HORMAD2: variants seen among roughly 807,000 people sequenced by gnomAD.
HORMAD2 encodes the protein HORMA domain-containing protein 2.
Under a neutral mutation model 38.8 loss-of-function variants are expected in HORMAD2, and 45 were observed. That is an observed-to-expected ratio of 1.16 (90% confidence interval 0.91 to 1.49). The LOEUF (loss-of-function observed/expected upper bound fraction) is 1.49, where lower values mean the gene tolerates loss of function less well. Ranked by LOEUF, HORMAD2 falls within the 40% of genes most tolerant of loss-of-function variation. HORMAD2 has a pLI of 0.00. For missense variants in HORMAD2, 338 were observed against 367.0 expected, an observed-to-expected ratio of 0.92 and a Z score of 0.65; for synonymous variants, 126 against 122.8, an observed-to-expected ratio of 1.03 and a Z score of -0.17.
chr22:30,145,672 A>C (rs1183748450), intron 10 of HORMAD2, among the ~76,000 whole-genome samples: 1 of 152,168 alleles, frequency 6.6e-6, no homozygotes, highest in Non-Finnish European at 1.5e-5. Context: ...AACAAAATGA[A>C]AAGAATAGGG....
chr22:30,206,944 C>T, the HORMAD2 span: 5 of 405,924 alleles, frequency 1.2e-5, no homozygotes, highest in African/African-American at 2.1e-5. Flanking sequence ...GCCCATATCC[C>T]GGCAATTCCC....
Position 30,177,059 on chromosome 22 carries a change from A to G in HORMAD2, c.*892A>G, listed in dbSNP as rs961613995. On this transcript the variant is annotated 3_prime_UTR_variant, in exon 11 of 11. Transcript: ENST00000336726. Reference sequence around the variant, plus strand: ...TTAAGTGTGTGACTTATGGTTAAATAAAATGAAAATACAAGACTTTTTTTT... The same window carrying G: ...TTAAGTGTGTGACTTATGGTTAAATGAAATGAAAATACAAGACTTTTTTTT... 6.5e-6 allele frequency: 1 copy of G among 152,754 alleles called. No individual in the cohort carries two copies. The highest frequency in any genetic ancestry group is 1.5e-5 in the Non-Finnish European group (1 of 68,044). 9.5% of individuals were successfully genotyped at this position (152,754 alleles called of 1,614,324 possible).
chr22:30,084,161 G>A (rs933293969), intron 1 of HORMAD2, among the ~76,000 whole-genome samples: 1 of 152,162 alleles, frequency 6.6e-6, no homozygotes, highest in East Asian at 1.9e-4. Context: ...CAATACCTGA[G>A]GCTGGGTAAC....
upstream of HORMAD2, among the ~76,000 whole-genome samples, chr22:30,078,753 G>A (rs915785037): frequency 6.6e-6 from 1 of 151,888 alleles, no homozygotes; most frequent in Non-Finnish European, 1.5e-5. Context: ...TATGGTAGCA[G>A]TTGACTGAGC....
chr22:30,167,659 T>TA (rs1276295723), intron 10 of HORMAD2, among the ~76,000 whole-genome samples: 1 of 152,182 alleles, frequency 6.6e-6, no homozygotes, highest in Non-Finnish European at 1.5e-5. Context: ...AAAAATTGGT[T>TA]ACAAAGGAAA....
chr22:30,200,628 A>C, the HORMAD2 span, among the ~76,000 whole-genome samples: 1 of 152,168 alleles, frequency 6.6e-6, no homozygotes, highest in South Asian at 2.1e-4. Context: ...TGCAAAGAAT[A>C]ATATTTTATA....
chr22:30,198,024 TA>T, the HORMAD2 span, among the ~76,000 whole-genome samples: 1 of 150,576 alleles, frequency 6.6e-6, no homozygotes, highest in Non-Finnish European at 1.5e-5. Flanking sequence ...AAAAATATAT[TA>T]AAAAAAAAAT....
intron 10 of HORMAD2, among the ~76,000 whole-genome samples, chr22:30,142,328 T>C (rs1445751766): frequency 1.3e-5 from 2 of 152,168 alleles, no homozygotes; most frequent in African/African-American, 4.8e-5. Context: ...GAATATTCCA[T>C]GTGCACTTGA....
At chr22:30,078,842 G>A (rs373326538), upstream of HORMAD2, among the ~76,000 whole-genome samples, 42 of 152,142 alleles carry the variant, frequency 2.8e-4, no homozygotes, top group African/African-American at 9.4e-4. Flanking sequence ...TGGTAAATGC[G>A]GAGGCTGAGA....
the HORMAD2 span, among the ~76,000 whole-genome samples, chr22:30,184,041 T>C: frequency 1.3e-5 from 2 of 152,360 alleles, no homozygotes; most frequent in South Asian, 4.1e-4. Context: ...TCTCCCTATC[T>C]GTGGGTCCCA....
intron 10 of HORMAD2, among the ~76,000 whole-genome samples, chr22:30,159,386 A>C (rs2146212676): frequency 6.6e-6 from 1 of 152,362 alleles, no homozygotes; most frequent in Middle Eastern, 3.4e-3. Flanking sequence ...GTCATGCTTT[A>C]GGTATATAAT....
the HORMAD2 span, among the ~76,000 whole-genome samples, chr22:30,206,670 T>A: frequency 0.27 from 40,898 of 151,528 alleles, 6,655 homozygotes; most frequent in Middle Eastern, 0.42. Context: ...TTTGGAAAAA[T>A]GAAGTCTCAC....
At chr22:30,140,476 T>A (rs548784548) in intron 10 of HORMAD2, among the ~76,000 whole-genome samples, 1 of 152,344 alleles carries the variant, frequency 6.6e-6, no homozygotes, top group Admixed American at 6.5e-5. Context: ...TTGTTATAGA[T>A]ATATTCATAT....
intron 8 of HORMAD2, among the ~76,000 whole-genome samples, chr22:30,120,205 T>C (rs573167011): frequency 6.6e-6 from 1 of 152,262 alleles, no homozygotes; most frequent in African/African-American, 2.4e-5. Flanking sequence ...AGAGAAGAAA[T>C]ATAGGCATTT....
intron 10 of HORMAD2, 116 bp downstream of exon 10, chr22:30,122,330 T>A (rs1922519355): frequency 2.2e-6 from 2 of 907,950 alleles, no homozygotes; most frequent in East Asian, 2.8e-5. Context: ...GAAACAAAAC[T>A]AGTCTCTGAC....
chr22:30,199,177 C>A, the HORMAD2 span, among the ~76,000 whole-genome samples: 5 of 152,204 alleles, frequency 3.3e-5, no homozygotes, highest in Non-Finnish European at 7.3e-5. Context: ...AATTACCAAA[C>A]CCCCTCTCAG....
chr22:30,152,118 C>T (rs1924789151), intron 10 of HORMAD2, among the ~76,000 whole-genome samples: 1 of 152,120 alleles, frequency 6.6e-6, no homozygotes, highest in Admixed American at 6.6e-5. Flanking sequence ...TCCCCAACTA[C>T]TCTCTTCAAA....
rs1156899787 is a variant in HORMAD2 at position 30,108,650 on chromosome 22, T to C, written c.295-3146T>C. Among the ~76,000 whole-genome samples the C allele has an allele frequency of 7.9e-5, 12 of 152,188 alleles. No homozygotes were observed. The East Asian group carries it at 2.3e-3, about 29-fold the overall frequency. ...CATAGCATCCCATGCTGCTTCTTCA[T>C]AGCAATGAACACAATGTTAATGATG... On this transcript the variant is annotated intron_variant, in intron 5 of 10. Coordinates refer to ENST00000336726, the MANE Select transcript of HORMAD2 (RefSeq NM_152510.4).
chr22:30,156,990 A>G (rs967739346), intron 10 of HORMAD2, among the ~76,000 whole-genome samples: 1 of 152,160 alleles, frequency 6.6e-6, no homozygotes, highest in African/African-American at 2.4e-5. Context: ...CTAAATTAAG[A>G]TATGTTATTA....
Sources: gnomAD v4.1 joint callset for allele counts (sites outside exome capture counted in the v4.1 genomes callset) on GRCh38, gnomAD v4.1.1 for gene constraint, MANE v1.5 for transcripts, NCBI Gene and HGNC (gene_info 2026-07-23, HGNC 2026-07-21) for gene names.